Variants in ANXA8 observed in about 807,000 individuals in gnomAD.
ANXA8 encodes the protein VAC-beta.
ANXA8 carries 9 observed loss-of-function variants against 26.8 expected under a neutral mutation model. The observed-to-expected ratio is 0.34, with a 90% CI of 0.20 to 0.59. The LOEUF (loss-of-function observed/expected upper bound fraction) is 0.59. Among genes scored for constraint, ANXA8 ranks in the 20% least tolerant of loss-of-function variants. The pLI is 0.84. For synonymous variants in ANXA8, 39 were observed against 94.8 expected (o/e 0.41, Z 3.42); for missense variants, 83 against 238.5 (o/e 0.35, Z 4.29).
At chr10:47,907,851 T>C in the ANXA8 span, among the ~76,000 whole-genome samples, 1 of 25,558 alleles carries the variant, frequency 3.9e-5, no homozygotes. Flanking sequence ...CCTGCAATAT[T>C]ACCATTTACT....
At chr10:47,730,705 G>T in the ANXA8 span, among the ~76,000 whole-genome samples, 8 of 145,708 alleles carry the variant, frequency 5.5e-5, no homozygotes, top group African/African-American at 2.0e-4. Flanking sequence ...GGGAATTAAA[G>T]GTTTGCCCAT....
the ANXA8 span, among the ~76,000 whole-genome samples, chr10:47,742,968 C>T: frequency 3.1e-5 from 4 of 128,224 alleles, no homozygotes; most frequent in African/African-American, 1.1e-4. Flanking sequence ...TCCTGGTTAA[C>T]ACGGTGAAAC....
the ANXA8 span, among the ~76,000 whole-genome samples, chr10:47,553,869 CCCGG>C: frequency 6.7e-6 from 1 of 149,222 alleles, no homozygotes; most frequent in African/African-American, 2.5e-5. Flanking sequence ...TTCTGGCCGC[CCCGG>C]AGTCACCGTG....
chr10:47,631,207 A>G, the ANXA8 span, among the ~76,000 whole-genome samples: 4 of 150,888 alleles, frequency 2.7e-5, no homozygotes, highest in Non-Finnish European at 5.9e-5. Flanking sequence ...CTAAGCATCA[A>G]TCAAGATGGT....
the ANXA8 span, among the ~76,000 whole-genome samples, chr10:47,763,791 G>GT: frequency 6.9e-4 from 99 of 144,168 alleles, no homozygotes; most frequent in African/African-American, 2.2e-3. Flanking sequence ...GTGTGTGTGT[G>GT]GGGGGGGGAG....
At chr10:47,777,518 C>T in the ANXA8 span, among the ~76,000 whole-genome samples, 39 of 152,162 alleles carry the variant, frequency 2.6e-4, no homozygotes, top group African/African-American at 9.2e-4. Context: ...CCTCCTTACA[C>T]CCAATATGCA....
At chr10:47,620,167 G>C in the ANXA8 span, among the ~76,000 whole-genome samples, 7 of 112,078 alleles carry the variant, frequency 6.2e-5, no homozygotes, top group Non-Finnish European at 1.2e-4. Context: ...GTATTTGGTG[G>C]AGTATAAAAG....
chr10:47,560,622 C>T, the ANXA8 span, among the ~76,000 whole-genome samples: 3 of 151,934 alleles, frequency 2.0e-5, no homozygotes, highest in Admixed American at 6.6e-5. Context: ...TCCCCATGTG[C>T]GATGTTCCTC....
chr10:47,546,623 G>T, the ANXA8 span, among the ~76,000 whole-genome samples: 20 of 135,974 alleles, frequency 1.5e-4, 1 homozygote, highest in African/African-American at 4.8e-4. Flanking sequence ...CACCAGGATG[G>T]TCTCGATCTC....
chr10:47,689,344 A>T, the ANXA8 span, among the ~76,000 whole-genome samples: 1 of 151,558 alleles, frequency 6.6e-6, no homozygotes. Context: ...ACGCCCAGCT[A>T]ATTTTTTGTT....
At chr10:47,962,377 T>C in the ANXA8 span, among the ~76,000 whole-genome samples, 1 of 151,012 alleles carries the variant, frequency 6.6e-6, no homozygotes, top group Non-Finnish European at 1.5e-5. Flanking sequence ...CTTTGCCTTC[T>C]CTTCTCCCTG....
the ANXA8 span, among the ~76,000 whole-genome samples, chr10:47,680,453 G>A: frequency 6.6e-6 from 1 of 151,818 alleles, no homozygotes; most frequent in Non-Finnish European, 1.5e-5. Context: ...TGGCCAACAT[G>A]GTGAAACCCC....
chr10:47,764,018 T>G, the ANXA8 span, among the ~76,000 whole-genome samples: 13 of 151,868 alleles, frequency 8.6e-5, no homozygotes, highest in East Asian at 2.5e-3. Flanking sequence ...CTGGGCCGGG[T>G]CTGGGAGCCC....
upstream of ANXA8, chr10:47,484,859 C>G: frequency 2.2e-6 from 1 of 446,974 alleles, no homozygotes; most frequent in Non-Finnish European, 4.0e-6. Context: ...CTGCTTCTGG[C>G]TGGGGCACCT....
chr10:47,945,638 A>AG, the ANXA8 span, among the ~76,000 whole-genome samples: 1 of 132,428 alleles, frequency 7.6e-6, no homozygotes, highest in African/African-American at 3.1e-5. Flanking sequence ...CCCACTAGGG[A>AG]GGGGTCCAGC....
the ANXA8 span, among the ~76,000 whole-genome samples, chr10:47,668,054 G>A: frequency 6.6e-6 from 1 of 151,570 alleles, no homozygotes. Flanking sequence ...AGTGTTTTCA[G>A]TTACGAAACT....
the ANXA8 span, among the ~76,000 whole-genome samples, chr10:47,960,069 A>T: frequency 6.7e-6 from 1 of 148,476 alleles, no homozygotes; most frequent in Non-Finnish European, 1.5e-5. Context: ...CCAGGGAGAG[A>T]CCCCACACAA....
At chr10:47,660,192 A>G in the ANXA8 span, among the ~76,000 whole-genome samples, 2 of 147,020 alleles carry the variant, frequency 1.4e-5, no homozygotes, top group Non-Finnish European at 3.0e-5. Flanking sequence ...ATATTCCCAA[A>G]ATAAATGTTA....
the ANXA8 span, among the ~76,000 whole-genome samples, chr10:47,968,679 G>A: frequency 7.3e-5 from 11 of 150,012 alleles, no homozygotes; most frequent in African/African-American, 2.7e-4. Context: ...TAACTTCACA[G>A]TTGTGGTCAT....
Sources: allele counts gnomAD v4.1 joint callset (sites outside exome capture counted in the v4.1 genomes callset), GRCh38; gene constraint gnomAD v4.1.1; transcripts MANE v1.5; gene names NCBI Gene and HGNC (gene_info 2026-07-23, HGNC 2026-07-21).